ADGRL3: variants seen among roughly 807,000 people sequenced by gnomAD.
The protein encoded by ADGRL3 is calcium-independent alpha-latrotoxin receptor 3.
A neutral mutation model predicts 153.5 loss-of-function variants in ADGRL3; 62 were observed. That is an observed-to-expected ratio of 0.40 (90% confidence interval 0.33 to 0.50). ADGRL3 has a LOEUF of 0.50. ADGRL3 is among the 20% of genes least tolerant of loss of function. The pLI, the probability that ADGRL3 is intolerant of heterozygous loss-of-function variation, is 0.47. For synonymous variants in ADGRL3, 710 were observed against 672.5 expected, an observed-to-expected ratio of 1.06 and a Z score of -0.86; for missense variants, 1,641 against 1,859.4, an observed-to-expected ratio of 0.88 and a Z score of 2.16.
At chr4:61,259,356 G>A (rs1344940532) in intron 1 of ADGRL3, among the ~76,000 whole-genome samples, 3 of 152,044 alleles carry the variant, frequency 2.0e-5, no homozygotes, top group Non-Finnish European at 4.4e-5. Flanking sequence ...CCGGGAGGCG[G>A]AGTTTGCAGT....
In ADGRL3 at chr4:61,725,962, C is replaced by A. The variant is rs192754617; in HGVS notation, c.584-4660C>A. 6.6e-5 allele frequency among the ~76,000 whole-genome samples: 10 copies of A among 151,594 alleles called. No individual in the cohort carries two copies. The East Asian group carries it at 1.7e-3, about 26-fold the overall frequency. On this transcript the variant is annotated intron_variant, in intron 6 of 26. Transcript: ENST00000683033. ...ATATCACATTGTTATGCTGTTAATA[C>A]TTCAATAATTAAATAAGGTGATTCA...
At chr4:61,977,826 A>G (rs1308600984) in intron 17 of ADGRL3, among the ~76,000 whole-genome samples, 3 of 152,098 alleles carry the variant, frequency 2.0e-5, no homozygotes, top group Non-Finnish European at 4.4e-5. Flanking sequence ...CATGGGGTAC[A>G]TGGGCAGGTT....
rs141196730 is a variant in ADGRL3 at position 62,027,119 on chromosome 4, A to G, written c.3396-1736A>G. 3.9e-5 allele frequency among the ~76,000 whole-genome samples: 6 copies of G among 152,212 alleles called. No homozygotes were observed. In the East Asian group the frequency reaches 7.7e-4, roughly 20 times the overall value. On this transcript the variant is annotated intron_variant, in intron 21 of 26. Transcript: ENST00000683033. Reference sequence around the variant, plus strand: ...GAATATACTGATGCAATGGGAATGCATATAATATAATAAATATCACATTAT... The same window carrying G: ...GAATATACTGATGCAATGGGAATGCGTATAATATAATAAATATCACATTAT...
intron 1 of ADGRL3, among the ~76,000 whole-genome samples, chr4:61,273,330 G>T (rs1014150050): frequency 1.3e-5 from 2 of 152,120 alleles, no homozygotes; most frequent in African/African-American, 4.8e-5. Flanking sequence ...TCTTTTCCCA[G>T]CTGGGAGAGG....
At chr4:61,885,412 T>G (rs2098532851) in intron 9 of ADGRL3, among the ~76,000 whole-genome samples, 1 of 152,196 alleles carries the variant, frequency 6.6e-6, no homozygotes, top group Non-Finnish European at 1.5e-5. Context: ...CTTATGAATT[T>G]GTAACCTTTG....
intron 2 of ADGRL3, among the ~76,000 whole-genome samples, chr4:61,486,051 C>T (rs1410499406): frequency 6.6e-6 from 1 of 152,112 alleles, no homozygotes; most frequent in East Asian, 1.9e-4. Flanking sequence ...TCACGCCATT[C>T]TCCTGCCTCA....
intron 5 of ADGRL3, among the ~76,000 whole-genome samples, chr4:61,610,195 G>A (rs1450617580): frequency 6.6e-6 from 1 of 151,506 alleles, no homozygotes; most frequent in African/African-American, 2.4e-5. Flanking sequence ...TCTAATGCAA[G>A]GGAATCTATG....
intron 2 of ADGRL3, among the ~76,000 whole-genome samples, chr4:61,483,536 G>A (rs1038005215): frequency 2.0e-5 from 3 of 151,970 alleles, no homozygotes; most frequent in Admixed American, 6.6e-5. Context: ...TCGGGAGTTC[G>A]AGACCACCCT....
intron 11 of ADGRL3, among the ~76,000 whole-genome samples, chr4:61,898,091 T>G (rs2098641954): frequency 6.6e-6 from 1 of 151,940 alleles, no homozygotes; most frequent in Non-Finnish European, 1.5e-5. Flanking sequence ...CCACCCTCCA[T>G]TTACCTGTCA....
intron 6 of ADGRL3, among the ~76,000 whole-genome samples, chr4:61,684,324 A>G (rs2151023029): frequency 6.6e-6 from 1 of 152,278 alleles, no homozygotes; most frequent in South Asian, 2.1e-4. Flanking sequence ...TTAGTTCCAG[A>G]AACAAAGGAG....
chr4:61,560,620 C>T (rs928442300), intron 4 of ADGRL3, among the ~76,000 whole-genome samples: 1 of 151,036 alleles, frequency 6.6e-6, no homozygotes, highest in African/African-American at 2.4e-5. Context: ...GCCCAACATC[C>T]AAATCCCATT....
rs34782885 is a variant in ADGRL3 at position 61,798,999 on chromosome 4, GTATATATATATATATATATATATA to G, written c.1400-14793_1400-14770del. On this transcript the variant is annotated intron_variant, in intron 8 of 26. Transcript: ENST00000683033. The stretch of plus-strand genomic sequence containing the variant: ...CATTATTATATATTATATATAAACA[GTATATATATATATATATATATATA>G]TATATATATATATATACCATATATT... Among the ~76,000 whole-genome samples the G allele has an allele frequency of 2.3e-3, 185 of 80,758 alleles. 2 individuals are homozygous for G. Among genetic ancestry groups the G allele is most frequent in the Non-Finnish European group, 2.8e-3 (113 of 41,046 alleles). The allele number at this position is 80,758 out of a possible 152,430, so 53.0% of individuals were successfully genotyped here. A position where few individuals can be genotyped will look rare whatever the true frequency, so the allele number is the denominator to read the frequency against.
In ADGRL3 at chr4:61,741,966, T is replaced by C. The variant is rs552044579; in HGVS notation, c.1399+8412T>C. Among the ~76,000 whole-genome samples the C allele has an allele frequency of 1.4e-4, 21 of 152,352 alleles. No homozygotes were observed. In the East Asian group the frequency reaches 3.9e-3, roughly 28 times the overall value. ...AAAGATGACTTATTTGTGAATAAGC[T>C]TCCCACTCACACCAGCTGTCCTTTC... On this transcript the variant is annotated intron_variant, in intron 8 of 26. Coordinates refer to ENST00000683033, the MANE Select transcript of ADGRL3 (RefSeq NM_001387552.1).
intron 9 of ADGRL3, among the ~76,000 whole-genome samples, chr4:61,880,573 A>G (rs979787583): frequency 2.0e-5 from 3 of 152,194 alleles, no homozygotes; most frequent in Admixed American, 1.3e-4. Flanking sequence ...TTATGCATCT[A>G]TTGAGTACTT....
rs539623479 is a variant in ADGRL3 at position 61,767,585 on chromosome 4, T to C, written c.1399+34031T>C. Reference sequence around the variant, plus strand: ...CTTCAGCCGGTAAGCCAAGAAGGAGTCAGTCAGAGAGCCTTGGGCCAGAGT... The same window carrying C: ...CTTCAGCCGGTAAGCCAAGAAGGAGCCAGTCAGAGAGCCTTGGGCCAGAGT... On this transcript the variant is annotated intron_variant, in intron 8 of 26. Coordinates refer to ENST00000683033, the MANE Select transcript of ADGRL3 (RefSeq NM_001387552.1). Among the ~76,000 whole-genome samples, 3 of 151,472 alleles carry C rather than the reference T, an allele frequency of 2.0e-5. No individual in the cohort carries two copies. In the South Asian group the frequency reaches 6.3e-4, roughly 32 times the overall value.
intron 9 of ADGRL3, among the ~76,000 whole-genome samples, chr4:61,872,048 G>C (rs1362707418): frequency 1.3e-5 from 2 of 152,120 alleles, no homozygotes; most frequent in Non-Finnish European, 2.9e-5. Flanking sequence ...ATTTTTGTTT[G>C]TTTGATTGCT....
chr4:61,796,690 G>A (rs2097418219), intron 8 of ADGRL3, among the ~76,000 whole-genome samples: 1 of 152,000 alleles, frequency 6.6e-6, no homozygotes, highest in Non-Finnish European at 1.5e-5. Context: ...GCTAACTCTG[G>A]ATAGCCTCTA....
chr4:61,736,075 A>G (rs1580520587), intron 8 of ADGRL3, among the ~76,000 whole-genome samples: 1 of 152,182 alleles, frequency 6.6e-6, no homozygotes, highest in Non-Finnish European at 1.5e-5. Flanking sequence ...ATATGTATAA[A>G]TGTATAGTCA....
At chr4:61,960,869 C>T (rs893971270) in intron 17 of ADGRL3, among the ~76,000 whole-genome samples, 90 of 152,148 alleles carry the variant, frequency 5.9e-4, no homozygotes, top group African/African-American at 2.0e-3. Context: ...GCCACCACAC[C>T]GAGCTAATTT....
Sources: allele counts gnomAD v4.1 joint callset (sites outside exome capture counted in the v4.1 genomes callset), GRCh38; gene constraint gnomAD v4.1.1; transcripts MANE v1.5; gene names NCBI Gene and HGNC (gene_info 2026-07-23, HGNC 2026-07-21).